ZNF804B: variants seen among roughly 807,000 people sequenced by gnomAD.
The protein encoded by ZNF804B is zinc finger 804B.
ZNF804B carries 80 observed loss-of-function variants against 101.4 expected under a neutral mutation model. The ratio of observed to expected loss-of-function variants is 0.79; its 90% CI spans 0.66 to 0.95. The LOEUF (loss-of-function observed/expected upper bound fraction) is 0.95, where lower values mean the gene tolerates loss of function less well. Among genes scored for constraint, ZNF804B ranks in the 40% least tolerant of loss-of-function variants. The pLI is 0.00. For missense variants in ZNF804B, 1,673 were observed against 1,561.9 expected (o/e 1.07, Z -1.20); for synonymous variants, 622 against 558.8 (o/e 1.11, Z -1.59).
intron 1 of ZNF804B, among the ~76,000 whole-genome samples, chr7:89,145,107 A>G (rs1224612562): frequency 1.3e-5 from 2 of 152,016 alleles, no homozygotes; most frequent in African/African-American, 4.8e-5. Flanking sequence ...CTCTGTCTCA[A>G]ATAAAATTTA....
intron 1 of ZNF804B, among the ~76,000 whole-genome samples, chr7:88,949,821 A>G (rs993833165): frequency 1.3e-5 from 2 of 151,914 alleles, no homozygotes; most frequent in East Asian, 2.0e-4. Context: ...TTATGCTACA[A>G]TTGCCTGCAG....
intron 1 of ZNF804B, among the ~76,000 whole-genome samples, chr7:88,967,874 C>G (rs1372731223): frequency 1.3e-5 from 2 of 151,470 alleles, no homozygotes; most frequent in Non-Finnish European, 1.5e-5. Flanking sequence ...CTACCAGTAA[C>G]TTCATTAGAG....
chr7:89,290,507 G>T (rs1422708314), intron 2 of ZNF804B, among the ~76,000 whole-genome samples: 3 of 152,104 alleles, frequency 2.0e-5, no homozygotes, highest in Non-Finnish European at 4.4e-5. Flanking sequence ...TGGGTCCCAG[G>T]CCTGGCAGTA....
At chr7:88,859,976 T>A (rs904268156) in intron 1 of ZNF804B, among the ~76,000 whole-genome samples, 10 of 151,842 alleles carry the variant, frequency 6.6e-5, no homozygotes, top group Non-Finnish European at 1.2e-4. Flanking sequence ...ATCAATATTT[T>A]ATAAATATTT....
intron 1 of ZNF804B, among the ~76,000 whole-genome samples, chr7:88,969,178 A>T (rs947335988): frequency 6.6e-6 from 1 of 151,546 alleles, no homozygotes; most frequent in African/African-American, 2.4e-5. Flanking sequence ...TATTAAATTA[A>T]TTTTCCATGA....
intron 1 of ZNF804B, among the ~76,000 whole-genome samples, chr7:88,974,874 G>T (rs1231020975): frequency 6.6e-6 from 1 of 151,178 alleles, no homozygotes; most frequent in Non-Finnish European, 1.5e-5. Flanking sequence ...GCAAGTACTG[G>T]ATCTTTTTCT....
intron 1 of ZNF804B, among the ~76,000 whole-genome samples, chr7:89,152,800 C>A (rs1466793377): frequency 6.6e-6 from 1 of 152,028 alleles, no homozygotes; most frequent in Non-Finnish European, 1.5e-5. Context: ...AAATTGACAT[C>A]TTTGTGCATA....
Position 89,023,534 on chromosome 7 carries a change from C to A in ZNF804B, c.109-194621C>A, listed in dbSNP as rs554126723. On this transcript the variant is annotated intron_variant, in intron 1 of 3. Coordinates refer to ENST00000333190, the MANE Select transcript of ZNF804B (RefSeq NM_181646.5). ...GGTCCTTAAATTGGTTAATTCCTCT[C>A]TAATAACCATTTCAGAATATTTGAG... 5.3e-5 allele frequency among the ~76,000 whole-genome samples: 8 copies of A among 152,274 alleles called. No homozygotes were observed. In the East Asian group the frequency reaches 1.5e-3, roughly 29 times the overall value.
intron 1 of ZNF804B, among the ~76,000 whole-genome samples, chr7:88,964,837 G>A (rs1050736496): frequency 1.3e-5 from 2 of 151,366 alleles, no homozygotes; most frequent in African/African-American, 4.8e-5. Flanking sequence ...AATTTGAAGA[G>A]AGCAGAGCTC....
At chr7:89,249,848 G>A (rs1000642479) in intron 2 of ZNF804B, among the ~76,000 whole-genome samples, 1 of 152,012 alleles carries the variant, frequency 6.6e-6, no homozygotes, top group African/African-American at 2.4e-5. Flanking sequence ...GAAACCAAAA[G>A]TTGGGTCTCT....
At position 89,220,047 on chromosome 7, in the gene ZNF804B, A is replaced by ACATATATGTGTG. The variant is rs1788971107; in HGVS notation, c.249+1752_249+1753insCATATATGTGTG. ...CATATATATACGCACATATATGTGC[A>ACATATATGTGTG]TATATACATATATACGCACATATAT... On this transcript the variant is annotated intron_variant, in intron 2 of 3. Transcript: ENST00000333190. Among the ~76,000 whole-genome samples, 2 of 38,762 alleles carry ACATATATGTGTG rather than the reference A, an allele frequency of 5.2e-5. 1 individual carries two copies. Among genetic ancestry groups the ACATATATGTGTG allele is most frequent in the Admixed American group, 4.7e-4 (2 of 4,278 alleles). The allele number at this position is 38,762 out of a possible 152,430, so 25.4% of individuals were successfully genotyped here.
At chr7:89,114,063 A>G (rs895853033) in intron 1 of ZNF804B, among the ~76,000 whole-genome samples, 2 of 152,242 alleles carry the variant, frequency 1.3e-5, no homozygotes, top group Admixed American at 6.5e-5. Context: ...TGGTTGAAGA[A>G]TGAGAACAAG....
At chr7:88,826,883 G>T (rs931871336) in intron 1 of ZNF804B, among the ~76,000 whole-genome samples, 1 of 151,950 alleles carries the variant, frequency 6.6e-6, no homozygotes, top group African/African-American at 2.4e-5. Context: ...AGATTTATAT[G>T]GATAATTTTC....
At chr7:88,798,120 A>C (rs1026832006) in intron 1 of ZNF804B, among the ~76,000 whole-genome samples, 11 of 152,014 alleles carry the variant, frequency 7.2e-5, no homozygotes, top group African/African-American at 2.4e-4. Flanking sequence ...CCTTCTTCTA[A>C]ATCATAGCTC....
chr7:88,968,785 A>C (rs990170778), intron 1 of ZNF804B, among the ~76,000 whole-genome samples: 1 of 151,670 alleles, frequency 6.6e-6, no homozygotes, highest in African/African-American at 2.4e-5. Flanking sequence ...AGTTATAAAA[A>C]GAAGTACTGT....
chr7:88,822,415 C>T (rs1023486133), intron 1 of ZNF804B, among the ~76,000 whole-genome samples: 1 of 152,144 alleles, frequency 6.6e-6, no homozygotes, highest in South Asian at 2.1e-4. Context: ...ATAGTTATCG[C>T]TAAATACAGC....
intron 1 of ZNF804B, among the ~76,000 whole-genome samples, chr7:89,059,865 G>A (rs1222874855): frequency 1.3e-5 from 2 of 150,710 alleles, no homozygotes; most frequent in Non-Finnish European, 3.0e-5. Context: ...AGACTAGATG[G>A]GACATGCTGT....
At chr7:88,926,432 C>T (rs868684385) in intron 1 of ZNF804B, among the ~76,000 whole-genome samples, 3 of 135,032 alleles carry the variant, frequency 2.2e-5, no homozygotes, top group Non-Finnish European at 4.8e-5. Context: ...ATTAAAAATA[C>T]AAAAAAAAAA....
intron 1 of ZNF804B, among the ~76,000 whole-genome samples, chr7:88,801,694 A>C (rs1216613112): frequency 6.6e-6 from 1 of 152,164 alleles, no homozygotes. Flanking sequence ...TAAGTGAAGA[A>C]AAAATTTTAA....
Sources: gnomAD v4.1 joint callset for allele counts (sites outside exome capture counted in the v4.1 genomes callset) on GRCh38, gnomAD v4.1.1 for gene constraint, MANE v1.5 for transcripts, NCBI Gene and HGNC (gene_info 2026-07-23, HGNC 2026-07-21) for gene names.